The following ANK3 variants were observed in gnomAD, a reference collection of about 807,000 sequenced individuals.
ANK3 encodes the protein ankyrin 3, also known as ankyrin-3.
ANK3 carries 57 observed loss-of-function variants against 370.9 expected under a neutral mutation model. The observed-to-expected ratio is 0.15, with a 90% CI of 0.12 to 0.19. The LOEUF (loss-of-function observed/expected upper bound fraction) is 0.19, where lower values mean the gene tolerates loss of function less well. Ranked by LOEUF, ANK3 falls within the 10% of genes least tolerant of loss-of-function variation. The pLI, the probability that ANK3 is intolerant of heterozygous loss-of-function variation, is 1.00. For synonymous variants in ANK3, 1,929 were observed against 1,946.3 expected (o/e 0.99, Z 0.23); for missense variants, 4,439 against 5,302.1 (o/e 0.84, Z 5.06).
At chr10:60,388,156 G>A (rs1652119491) in intron 1 of ANK3, among the ~76,000 whole-genome samples, 1 of 152,010 alleles carries the variant, frequency 6.6e-6, no homozygotes, top group Admixed American at 6.6e-5. Context: ...CTTAACCCAA[G>A]TTTGTATTTT....
chr10:60,499,599 T>A (rs1213529787), intron 2 of ANK3, among the ~76,000 whole-genome samples: 1 of 152,214 alleles, frequency 6.6e-6, no homozygotes, highest in Non-Finnish European at 1.5e-5. Flanking sequence ...TAAGGGATAC[T>A]TAACACACAA....
rs139733143 is a variant in ANK3 at position 60,278,756 on chromosome 10, A to G, written c.414+18T>C. 6.8e-4 allele frequency: 1,076 copies of G among 1,592,152 alleles called. No homozygotes were observed. Among genetic ancestry groups the G allele is most frequent in the Non-Finnish European group, 8.6e-4 (993 of 1,160,158 alleles). On this transcript the variant is annotated intron_variant, in intron 4 of 43. Transcript: ENST00000280772. ...TAAATGATAACAAAATGTCTGTGGCATGGAGTTGTAGGCTTACCTGAGATT... is the reference window on the plus strand; with the variant it reads ...TAAATGATAACAAAATGTCTGTGGCGTGGAGTTGTAGGCTTACCTGAGATT...
At position 60,278,824 on chromosome 10, in the gene ANK3, C is replaced by G; in HGVS notation, c.364G>C (p.Val122Leu). 6.2e-7 allele frequency: 1 copy of G among 1,613,968 alleles called. No homozygotes were observed. The highest frequency in any genetic ancestry group is 8.5e-7 in the Non-Finnish European group (1 of 1,179,938). ...HIASLAGQAE[V>L]VKVLVTNGAN... ...CCATTTGTAACCAAGACTTTTACCA[C>G]CTCTGCTTGCCCAGCCAAAGATGCG... Residue 122 changes from valine to leucine, a missense_variant, in exon 4 of 44, where the codon GTG (valine) becomes CTG (leucine). Val to Leu is a conservative substitution (Grantham distance 32). Around this residue, in one of 13 missense-constraint regions of ANK3, gnomAD observed 136 missense variants for 230.5 expected, o/e 0.59. Coordinates refer to ENST00000280772, the MANE Select transcript of ANK3 (RefSeq NM_020987.5).
rs1449578323 is a variant in ANK3, at chr10:60,026,885, A to C, written c.*2961T>G. The C allele has an allele frequency of 6.6e-6, 1 of 152,242 alleles. No individual in the cohort carries two copies. Among genetic ancestry groups the C allele is most frequent in the Non-Finnish European group, 1.5e-5 (1 of 68,040 alleles). The allele number at this position is 152,242 out of a possible 1,614,324, so 9.4% of individuals were successfully genotyped here. A position where few individuals can be genotyped will look rare whatever the true frequency, so the allele number is the denominator to read the frequency against. On this transcript the variant is annotated 3_prime_UTR_variant, in exon 44 of 44. Coordinates refer to ENST00000280772, the MANE Select transcript of ANK3 (RefSeq NM_020987.5). ...TCAATCATAATTCATTTTTTACAGT[A>C]ATGTCAATCAATGAAAAGCTTAAAT...
intron 1 of ANK3, among the ~76,000 whole-genome samples, chr10:60,689,746 C>T (rs2079322895): frequency 7.5e-6 from 1 of 134,148 alleles, no homozygotes; most frequent in African/African-American, 2.7e-5. Context: ...TGGAGCAAGA[C>T]TTCATCTCAA....
chr10:60,336,439 C>T (rs1026452756), intron 1 of ANK3, among the ~76,000 whole-genome samples: 8 of 152,152 alleles, frequency 5.3e-5, no homozygotes, highest in Non-Finnish European at 1.0e-4. Flanking sequence ...ATGCTCTTCT[C>T]CCAGTGCATT....
At chr10:60,153,839 A>G (rs946056569) in intron 23 of ANK3, among the ~76,000 whole-genome samples, 1 of 152,210 alleles carries the variant, frequency 6.6e-6, no homozygotes, top group African/African-American at 2.4e-5. Flanking sequence ...CAACTTAAAC[A>G]TAGCCTAGGA....
At position 60,389,764 on chromosome 10, in the gene ANK3, T is replaced by C. The variant is rs1309292053; in HGVS notation, c.-226A>G. ...TCCTACACCTTCCTCTACCTGAACCTTTACAGGAGAGTGCAGCCATCGTAA... is the reference window on the plus strand; with the variant it reads ...TCCTACACCTTCCTCTACCTGAACCCTTACAGGAGAGTGCAGCCATCGTAA... On this transcript the variant is annotated 5_prime_UTR_variant, in exon 1 of 44. Transcript: ENST00000280772. 1 of 1,379,772 alleles carries C rather than the reference T, an allele frequency of 7.2e-7. No homozygotes were observed. The highest frequency in any genetic ancestry group is 9.4e-7 in the Non-Finnish European group (1 of 1,068,472). The allele number at this position is 1,379,772 out of a possible 1,614,324, so 85.5% of individuals were successfully genotyped here.
chr10:60,240,000 T>C (rs564577036), intron 7 of ANK3, among the ~76,000 whole-genome samples: 2 of 104,292 alleles, frequency 1.9e-5, no homozygotes, highest in African/African-American at 7.2e-5. Flanking sequence ...TATATATGTA[T>C]GTGTGAATAT....
intron 2 of ANK3, among the ~76,000 whole-genome samples, chr10:60,564,581 A>C (rs1363612523): frequency 1.3e-5 from 2 of 152,200 alleles, no homozygotes; most frequent in Non-Finnish European, 2.9e-5. Flanking sequence ...AGAATACAAT[A>C]TAATTCCAGC....
At chr10:60,463,303 AC>A (rs1326438909) in intron 2 of ANK3, among the ~76,000 whole-genome samples, 3 of 152,066 alleles carry the variant, frequency 2.0e-5, no homozygotes, top group Non-Finnish European at 2.9e-5. Flanking sequence ...TCATCTTTTG[AC>A]CCACTTTTTC....
Position 60,305,989 on chromosome 10 carries a change from T to TA in ANK3, c.115-26351_115-26350insT, listed in dbSNP as rs199566145. Among the ~76,000 whole-genome samples the TA allele has an allele frequency of 4.3e-3, 471 of 108,652 alleles. 2 individuals carry two copies. The highest frequency in any genetic ancestry group is 0.018 in the African/African-American group (459 of 26,080). The allele number at this position is 108,652 out of a possible 152,430, so 71.3% of individuals were successfully genotyped here. On this transcript the variant is annotated intron_variant, in intron 1 of 43. Coordinates refer to ENST00000280772, the MANE Select transcript of ANK3 (RefSeq NM_020987.5). ...AGGAAAGTCAATATGTAAAAATACA[T>TA]TTTTTTTTCACAGAAAATAAACTGA...
intron 23 of ANK3, among the ~76,000 whole-genome samples, chr10:60,165,538 G>C (rs2095603461): frequency 6.6e-6 from 1 of 152,144 alleles, no homozygotes; most frequent in Admixed American, 6.6e-5. Context: ...GCAGTCCCTG[G>C]CCACAATGCA....
At chr10:60,415,923 A>ACCCCCCC (rs60397919) in intron 2 of ANK3, among the ~76,000 whole-genome samples, 11 of 62,656 alleles carry the variant, frequency 1.8e-4, no homozygotes, top group African/African-American at 2.7e-4. Context: ...TGTGCCCCCC[A>ACCCCCCC]CCCCCCCGCC....
chr10:60,296,214 G>A (rs1027290303), intron 1 of ANK3, among the ~76,000 whole-genome samples: 2 of 152,138 alleles, frequency 1.3e-5, no homozygotes, highest in Admixed American at 6.5e-5. Context: ...CCACACAGTC[G>A]AAATACTTGA....
chr10:60,617,784 C>T (rs1482931356), intron 1 of ANK3, among the ~76,000 whole-genome samples: 1 of 152,174 alleles, frequency 6.6e-6, no homozygotes, highest in Non-Finnish European at 1.5e-5. Context: ...TTTACACAGG[C>T]CCAACTCACT....
intron 1 of ANK3, among the ~76,000 whole-genome samples, chr10:60,673,489 T>G (rs1257828825): frequency 6.6e-6 from 1 of 152,122 alleles, no homozygotes; most frequent in Non-Finnish European, 1.5e-5. Context: ...TAGCTGGGAT[T>G]ACAGGTGCCT....
chr10:60,333,065 C>A (rs2132945426), intron 1 of ANK3, among the ~76,000 whole-genome samples: 1 of 152,164 alleles, frequency 6.6e-6, no homozygotes, highest in Non-Finnish European at 1.5e-5. Flanking sequence ...TCTCTTTAAT[C>A]TTTTTATTTT....
chr10:60,068,521 G>T, intron 37 of ANK3, 116 bp downstream of exon 37: 2 of 1,101,562 alleles, frequency 1.8e-6, no homozygotes, highest in Non-Finnish European at 1.3e-6. Flanking sequence ...TCACTCCACA[G>T]GCAATCACAA....
Sources: gnomAD v4.1 joint callset for allele counts (sites outside exome capture counted in the v4.1 genomes callset) on GRCh38, gnomAD v4.1.1 for gene constraint, gnomAD v4.1.1 regional missense constraint, MANE v1.5 for transcripts, NCBI Gene and HGNC (gene_info 2026-07-23, HGNC 2026-07-21) for gene names.